The following ENKUR variants were observed in gnomAD, a reference collection of about 807,000 sequenced individuals.
ENKUR encodes enkurin, TRPC channel interacting protein.
ENKUR carries 19 observed loss-of-function variants against 27.6 expected under a neutral mutation model. That is an observed-to-expected ratio of 0.69 (90% CI 0.48 to 1.01). The LOEUF (loss-of-function observed/expected upper bound fraction) is 1.01, where lower values mean the gene tolerates loss of function less well. ENKUR is among the 50% of genes least tolerant of loss of function. The pLI, the probability that ENKUR is intolerant of heterozygous loss-of-function variation, is 0.00. For synonymous variants in ENKUR, 117 were observed against 96.9 expected (o/e 1.21, Z -1.22); for missense variants, 312 against 310.5 (o/e 1.00, Z -0.04).
chr10:25,025,547 A>G, intron 2 of ENKUR: 1 of 1,239,988 alleles, frequency 8.1e-7, no homozygotes, highest in Non-Finnish European at 1.1e-6. Flanking sequence ...TTTGTCTTTT[A>G]TGTAAATATC....
chr10:24,996,146 A>G (rs1850048655), intron 2 of ENKUR, among the ~76,000 whole-genome samples: 1 of 152,238 alleles, frequency 6.6e-6, no homozygotes, highest in Non-Finnish European at 1.5e-5. Flanking sequence ...GGGCAACATA[A>G]TCAATTAATA....
intron 2 of ENKUR, among the ~76,000 whole-genome samples, chr10:25,058,222 G>A (rs959446846): frequency 1.3e-5 from 2 of 151,734 alleles, no homozygotes; most frequent in Non-Finnish European, 2.9e-5. Context: ...TTTTGGCTTG[G>A]TTTGAGACAG....
At chr10:25,027,865 TAAAAAA>T (rs1779573719) in intron 2 of ENKUR, among the ~76,000 whole-genome samples, 2 of 151,876 alleles carry the variant, frequency 1.3e-5, no homozygotes, top group African/African-American at 4.8e-5. Context: ...TAAATAAAAA[TAAAAAA>T]GACATGATTT....
chr10:24,990,723 C>T, intron 3 of ENKUR, 114 bp from the exon 4 acceptor site: 1 of 1,064,330 alleles, frequency 9.4e-7, no homozygotes, highest in Non-Finnish European at 1.3e-6. Context: ...ATCCTTTGTT[C>T]AAAACCCTGT....
chr10:25,039,434 G>T (rs2130468384), intron 2 of ENKUR, among the ~76,000 whole-genome samples: 1 of 152,216 alleles, frequency 6.6e-6, no homozygotes, highest in Non-Finnish European at 1.5e-5. Context: ...ACAAAAATTA[G>T]CAGGGTGTGG....
chr10:24,995,697 G>A lies in ENKUR; in HGVS notation c.396C>T (p.Asp132=). 1 of 1,613,980 alleles carries A rather than the reference G, an allele frequency of 6.2e-7. No individual in the cohort carries two copies. Among genetic ancestry groups the A allele is most frequent in the Non-Finnish European group, 8.5e-7 (1 of 1,179,978 alleles). The change falls in exon 3 of 6, where the codon GAC becomes GAT. Residue 132 remains aspartate (D), a synonymous_variant. Coordinates refer to ENST00000331161, the MANE Select transcript of ENKUR (RefSeq NM_145010.4). ...GTCCTGAAGGCTCAAGATCATGCTT[G>A]TCTCCAGTTCTTTTATCAACATAAA... ...KPIYVDKRTG[D]KHDLEPSGLV...
chr10:24,984,791 G>T lies in ENKUR; in HGVS notation c.709C>A (p.Leu237Ile). Residue 237 changes from leucine (L) to isoleucine (I), a missense_variant, in exon 5 of 6, where the codon CTA becomes ATA. Physicochemically the swap from Leu to Ile is conservative, Grantham distance 5. Coordinates refer to ENST00000331161, the MANE Select transcript of ENKUR (RefSeq NM_145010.4). Reference protein sequence around the residue: ...KQRLEEEMKQLEHDIGIIEKH... With the variant: ...KQRLEEEMKQIEHDIGIIEKH... ...TCAATTATGCCAATGTCGTGTTCTA[G>T]TTGTTTCATTTCTTCTTCCAGCCTC... 2 of 1,613,682 alleles carry T rather than the reference G, an allele frequency of 1.2e-6. No individual in the cohort carries two copies. The highest frequency in any genetic ancestry group is 1.7e-6 in the Non-Finnish European group (2 of 1,179,894).
At chr10:24,996,068 A>C (rs967108047) in intron 2 of ENKUR, among the ~76,000 whole-genome samples, 199 bp from the exon 3 acceptor site, 3 of 152,342 alleles carry the variant, frequency 2.0e-5, no homozygotes, top group Non-Finnish European at 4.4e-5. Flanking sequence ...TTTACCTGTC[A>C]ATCAGGCCTC....
intron 2 of ENKUR, among the ~76,000 whole-genome samples, chr10:25,054,443 T>A (rs989845781): frequency 8.6e-5 from 13 of 151,802 alleles, no homozygotes; most frequent in African/African-American, 3.1e-4. Context: ...ATAAATAGAA[T>A]GGTGTTTTTT....
intron 2 of ENKUR, among the ~76,000 whole-genome samples, chr10:25,059,158 A>C (rs1588688354): frequency 7.6e-6 from 1 of 130,920 alleles, no homozygotes. Context: ...TTTGAGAAGG[A>C]GTCTCGCTTA....
chr10:25,024,723 C>T (rs1329461650), intron 2 of ENKUR: 2 of 1,614,146 alleles, frequency 1.2e-6, no homozygotes, highest in East Asian at 2.2e-5. Flanking sequence ...CTTTTGGAAG[C>T]CCAGTCGATG....
At chr10:25,024,174 T>C (rs779180601) in intron 2 of ENKUR, 1 of 1,614,190 alleles carries the variant, frequency 6.2e-7, no homozygotes, top group East Asian at 2.2e-5. Flanking sequence ...TTGAAACTGC[T>C]TATGGGGAAA....
chr10:25,016,911 T>C, upstream of ENKUR: 1 of 152,652 alleles, frequency 6.6e-6, no homozygotes, highest in Middle Eastern at 3.3e-3. Context: ...CTGCGCGCAT[T>C]TTTCCTGCTG....
At chr10:25,045,977 A>G (rs6482468) in intron 2 of ENKUR, among the ~76,000 whole-genome samples, 71,758 of 152,010 alleles carry the variant, frequency 0.47, 18,375 homozygotes, top group African/African-American at 0.68. Flanking sequence ...ACCTGATTTC[A>G]TAGTTCAAAT....
At chr10:25,014,866 C>T (rs892917459) in intron 1 of ENKUR, among the ~76,000 whole-genome samples, 2 of 152,154 alleles carry the variant, frequency 1.3e-5, no homozygotes, top group Non-Finnish European at 2.9e-5. Flanking sequence ...AGCTATTACC[C>T]TAATACTAGT....
At chr10:25,047,501 T>C (rs1302225902) in intron 2 of ENKUR, among the ~76,000 whole-genome samples, 1 of 152,226 alleles carries the variant, frequency 6.6e-6, no homozygotes, top group Non-Finnish European at 1.5e-5. Context: ...CAATTTCCTC[T>C]GTCCTTTCAG....
upstream of ENKUR, among the ~76,000 whole-genome samples, chr10:25,018,143 G>C (rs931196367): frequency 2.0e-5 from 3 of 152,172 alleles, no homozygotes; most frequent in Non-Finnish European, 2.9e-5. Context: ...AACAATTTGT[G>C]CAAGACCTCA....
intron 2 of ENKUR, 28 bp from the exon 3 acceptor site, chr10:24,995,897 T>C (rs761958380): frequency 6.4e-6 from 10 of 1,560,044 alleles, no homozygotes; most frequent in African/African-American, 2.7e-5. Flanking sequence ...TCTTTGTTAA[T>C]ATTAAACTAC....
At chr10:25,030,029 C>A (rs1020108223) in intron 2 of ENKUR, among the ~76,000 whole-genome samples, 2 of 152,168 alleles carry the variant, frequency 1.3e-5, no homozygotes, top group Admixed American at 1.3e-4. Flanking sequence ...AACAACTGTT[C>A]ATTAGGTAAT....
Sources: allele counts gnomAD v4.1 joint callset (sites outside exome capture counted in the v4.1 genomes callset), GRCh38; gene constraint gnomAD v4.1.1; transcripts MANE v1.5; gene names NCBI Gene and HGNC (gene_info 2026-07-23, HGNC 2026-07-21).